The following RANBP17 variants were observed in gnomAD, a reference collection of about 807,000 sequenced individuals.
RANBP17 encodes the protein RAN binding protein 17.
A neutral mutation model predicts 141.2 loss-of-function variants in RANBP17; 158 were observed. That is an observed-to-expected ratio of 1.12 (90% CI 0.98 to 1.28). The LOEUF is 1.28. Ranked by LOEUF, RANBP17 falls within the 50% of genes most tolerant of loss-of-function variation. The probability of loss-of-function intolerance (pLI) is 0.00; values close to 1 mark genes in which losing one functional copy is unlikely to be tolerated. For synonymous variants in RANBP17, 430 were observed against 450.0 expected (o/e 0.96, Z 0.56); for missense variants, 1,438 against 1,290.7 (o/e 1.11, Z -1.75).
chr5:170,897,606 C>T (rs745489530), intron 5 of RANBP17, among the ~76,000 whole-genome samples: 1 of 151,376 alleles, frequency 6.6e-6, no homozygotes, highest in Admixed American at 6.6e-5. Flanking sequence ...TTTCTCTCCC[C>T]GTGTCCATGT....
chr5:171,220,622 GT>G (rs1165230715), intron 21 of RANBP17, among the ~76,000 whole-genome samples: 1 of 151,590 alleles, frequency 6.6e-6, no homozygotes, highest in African/African-American at 2.4e-5. Context: ...TAATTTTTGT[GT>G]TTTCAGGAGA....
At chr5:171,116,288 T>G (rs76825585) in intron 14 of RANBP17, among the ~76,000 whole-genome samples, 1 of 151,830 alleles carries the variant, frequency 6.6e-6, no homozygotes, top group East Asian at 1.9e-4. Context: ...TTTTTTTTTT[T>G]CTGGGGAAGG....
At chr5:171,086,359 G>T (rs902839381) in intron 14 of RANBP17, among the ~76,000 whole-genome samples, 1 of 151,630 alleles carries the variant, frequency 6.6e-6, no homozygotes, top group Non-Finnish European at 1.5e-5. Context: ...TGCTGGATTC[G>T]GTTTGCCAGT....
Position 170,889,609 on chromosome 5 carries a change from A to G in RANBP17, c.257-2778A>G, listed in dbSNP as rs565982327. Among the ~76,000 whole-genome samples the G allele has an allele frequency of 2.0e-5, 3 of 152,332 alleles. No homozygotes were observed. In the South Asian group the frequency reaches 6.2e-4, roughly 32 times the overall value. ...CATTGCTATGAGAGCCACATCAAGT[A>G]TTTGATGGGAAGCACTTCACAATTT... On this transcript the variant is annotated intron_variant, in intron 3 of 27. Coordinates refer to ENST00000523189, the MANE Select transcript of RANBP17 (RefSeq NM_022897.5).
At chr5:170,905,101 C>CT (rs1164276121) in intron 5 of RANBP17, among the ~76,000 whole-genome samples, 1 of 151,946 alleles carries the variant, frequency 6.6e-6, no homozygotes, top group Admixed American at 6.6e-5. Flanking sequence ...CAAAACAGGC[C>CT]TTTTTTCACT....
At chr5:171,087,512 A>G (rs969675771) in intron 14 of RANBP17, among the ~76,000 whole-genome samples, 2 of 151,870 alleles carry the variant, frequency 1.3e-5, no homozygotes, top group African/African-American at 4.8e-5. Flanking sequence ...CAATTCCTGG[A>G]TATCCTTGTT....
At chr5:171,029,262 A>T (rs1781410491) in intron 14 of RANBP17, 1 of 154,912 alleles carries the variant, frequency 6.5e-6, no homozygotes, top group Admixed American at 6.4e-5. Flanking sequence ...AAAGGAGTAT[A>T]TGTGTGGGGT....
chr5:171,008,442 C>G (rs1779806986), intron 14 of RANBP17, among the ~76,000 whole-genome samples: 2 of 152,238 alleles, frequency 1.3e-5, no homozygotes, highest in Middle Eastern at 3.4e-3. Context: ...GAAGAGATCA[C>G]CAAACAGGCT....
chr5:171,276,578 A>G (rs564743532), intron 25 of RANBP17, among the ~76,000 whole-genome samples: 1 of 152,286 alleles, frequency 6.6e-6, no homozygotes, highest in Admixed American at 6.5e-5. Context: ...TGCTTTCCTT[A>G]TAAATTAAAG....
intron 14 of RANBP17, among the ~76,000 whole-genome samples, chr5:171,067,882 C>T (rs1784402199): frequency 6.9e-6 from 1 of 145,270 alleles, no homozygotes; most frequent in Non-Finnish European, 1.5e-5. Flanking sequence ...TATTCTGCTT[C>T]AATTCACTGA....
intron 14 of RANBP17, among the ~76,000 whole-genome samples, chr5:171,147,335 TG>T (rs1758101343): frequency 1.1e-5 from 1 of 87,638 alleles, no homozygotes; most frequent in African/African-American, 3.4e-5. Context: ...TTTTCTTGGT[TG>T]TTTTGTGTGT....
At chr5:171,250,375 C>G (rs990298169) in intron 24 of RANBP17, among the ~76,000 whole-genome samples, 2 of 151,804 alleles carry the variant, frequency 1.3e-5, no homozygotes, top group African/African-American at 4.8e-5. Context: ...AATGGTACCA[C>G]GACAGAAATT....
rs187734106 is a variant in RANBP17 at position 170,951,462 on chromosome 5, C to T, written c.1469-2135C>T. ...CTAAAACATGGGTGGTCCTTGAAAA[C>T]ATTATGCTGACTTGAAAGGAGATAG... On this transcript the variant is annotated intron_variant, in intron 12 of 27. Transcript: ENST00000523189. 9.8e-4 allele frequency among the ~76,000 whole-genome samples: 149 copies of T among 152,098 alleles called. No individual in the cohort carries two copies. The Middle Eastern group carries it at 0.024, about 24-fold the overall frequency.
At position 171,275,236 on chromosome 5, in the gene RANBP17, T is replaced by A. The variant is rs373065766; in HGVS notation, c.2943+9389T>A. ...CTCAGCAGTGATTGATGGTTTAATA[T>A]CATATATAATTTTTTTAATGAAGGA... On this transcript the variant is annotated intron_variant, in intron 25 of 27. Transcript: ENST00000523189. 7.3e-4 allele frequency among the ~76,000 whole-genome samples: 110 copies of A among 151,150 alleles called. 1 individual carries two copies. The South Asian group carries it at 0.017, about 23-fold the overall frequency.
At position 171,153,915 on chromosome 5, in the gene RANBP17, T is replaced by G. The variant is rs181040850; in HGVS notation, c.1711-16215T>G. Among the ~76,000 whole-genome samples, 897 of 151,998 alleles carry G rather than the reference T, an allele frequency of 5.9e-3. 12 individuals carry two copies. Among genetic ancestry groups the G allele is most frequent in the African/African-American group, 0.017 (690 of 41,474 alleles). ...GGTGGCACATACCTGTAATCCCAGCTACTCGGGAGGGTGAGGCAGGAGAAT... is the reference window on the plus strand; with the variant it reads ...GGTGGCACATACCTGTAATCCCAGCGACTCGGGAGGGTGAGGCAGGAGAAT... On this transcript the variant is annotated intron_variant, in intron 14 of 27. Coordinates refer to ENST00000523189, the MANE Select transcript of RANBP17 (RefSeq NM_022897.5).
At chr5:171,027,096 A>G (rs781320922) in intron 14 of RANBP17, among the ~76,000 whole-genome samples, 8 of 152,170 alleles carry the variant, frequency 5.3e-5, no homozygotes, top group Admixed American at 1.3e-4. Flanking sequence ...CTATCCGTCC[A>G]GGGAAAAATT....
intron 14 of RANBP17, among the ~76,000 whole-genome samples, chr5:171,116,366 C>T (rs1755630357): frequency 6.6e-6 from 1 of 151,724 alleles, no homozygotes; most frequent in African/African-American, 2.4e-5. Flanking sequence ...GATTTGAAAA[C>T]TTTATGTTTA....
chr5:171,152,017 T>A (rs1330632737), intron 14 of RANBP17, among the ~76,000 whole-genome samples: 1 of 152,054 alleles, frequency 6.6e-6, no homozygotes, highest in East Asian at 1.9e-4. Flanking sequence ...TAGAAATTTC[T>A]AACTGAAAAT....
intron 5 of RANBP17, among the ~76,000 whole-genome samples, chr5:170,908,297 A>G (rs1464132401): frequency 1.3e-5 from 2 of 151,978 alleles, no homozygotes; most frequent in Non-Finnish European, 2.9e-5. Context: ...GATTGGATAA[A>G]GAAAATACAC....
Sources: gnomAD v4.1 joint callset for allele counts (sites outside exome capture counted in the v4.1 genomes callset) on GRCh38, gnomAD v4.1.1 for gene constraint, MANE v1.5 for transcripts, NCBI Gene and HGNC (gene_info 2026-07-23, HGNC 2026-07-21) for gene names.